The following SEMA6D variants were observed in gnomAD, a reference collection of about 807,000 sequenced individuals.
SEMA6D encodes semaphorin-6D.
SEMA6D carries 35 observed loss-of-function variants against 106.6 expected under a neutral mutation model. The observed-to-expected ratio is 0.33, with a 90% CI of 0.25 to 0.44. The LOEUF is 0.44. SEMA6D is among the 20% of genes least tolerant of loss of function. The pLI, the probability that SEMA6D is intolerant of heterozygous loss-of-function variation, is 1.00. For missense variants in SEMA6D, 1,185 were observed against 1,345.9 expected (o/e 0.88, Z 1.87); for synonymous variants, 499 against 487.7 (o/e 1.02, Z -0.31).
chr15:47,743,256 A>G (rs1459656654), intron 1 of SEMA6D, among the ~76,000 whole-genome samples: 2 of 152,228 alleles, frequency 1.3e-5, no homozygotes, highest in African/African-American at 4.8e-5. Flanking sequence ...TTAATGCTTA[A>G]TTTAATAATT....
Position 47,693,000 on chromosome 15 carries a change from G to A in SEMA6D, c.-54-66745G>A, listed in dbSNP as rs141023892. Among the ~76,000 whole-genome samples, 531 of 152,200 alleles carry A rather than the reference G, an allele frequency of 3.5e-3. 3 individuals carry two copies. The highest frequency in any genetic ancestry group is 0.012 in the African/African-American group (508 of 41,528). Reference sequence around the variant, plus strand: ...TATTTTCAGCTTTAGAGCAGAATTAGTGTTATGAATTGAATTGTACCCCTA... The same window carrying A: ...TATTTTCAGCTTTAGAGCAGAATTAATGTTATGAATTGAATTGTACCCCTA... On this transcript the variant is annotated intron_variant, in intron 4 of 19. Transcript: ENST00000558014.
At chr15:47,394,942 G>A (rs2145879223) in intron 1 of SEMA6D, among the ~76,000 whole-genome samples, 1 of 151,616 alleles carries the variant, frequency 6.6e-6, no homozygotes, top group East Asian at 1.9e-4. Flanking sequence ...TCACTTCCCT[G>A]TTGTCATTTT....
intron 1 of SEMA6D, among the ~76,000 whole-genome samples, chr15:47,203,501 C>T (rs144383881): frequency 9.2e-5 from 14 of 152,202 alleles, no homozygotes; most frequent in African/African-American, 3.1e-4. Context: ...ACAAGACAAC[C>T]TTTAACCTTT....
At chr15:47,548,730 T>G (rs997415731) in intron 3 of SEMA6D, among the ~76,000 whole-genome samples, 3 of 152,162 alleles carry the variant, frequency 2.0e-5, no homozygotes, top group Non-Finnish European at 4.4e-5. Context: ...TACACATATA[T>G]ACACACATAC....
chr15:47,758,486 C>A (rs1188745899), intron 1 of SEMA6D, among the ~76,000 whole-genome samples: 1 of 152,098 alleles, frequency 6.6e-6, no homozygotes, highest in African/African-American at 2.4e-5. Flanking sequence ...CTTACAGCTT[C>A]ACAAAAATAT....
At chr15:47,441,689 C>T (rs1022778450) in intron 2 of SEMA6D, among the ~76,000 whole-genome samples, 1 of 151,992 alleles carries the variant, frequency 6.6e-6, no homozygotes. Context: ...ATAATCAATA[C>T]ATTTTATTTT....
chr15:47,599,483 G>A (rs1156969625), intron 3 of SEMA6D, among the ~76,000 whole-genome samples: 1 of 151,628 alleles, frequency 6.6e-6, no homozygotes, highest in East Asian at 1.9e-4. Flanking sequence ...ATGGAGTTTG[G>A]AGAAACTAAG....
intron 2 of SEMA6D, among the ~76,000 whole-genome samples, chr15:47,459,727 T>A (rs532847657): frequency 1.3e-5 from 2 of 152,208 alleles, no homozygotes; most frequent in East Asian, 3.9e-4. Flanking sequence ...CCCCTGCAGC[T>A]TTGCACTTAA....
rs148270677 is a variant in SEMA6D, at chr15:47,533,104, G to A, written c.-87+62559G>A. On this transcript the variant is annotated intron_variant, in intron 3 of 19. Coordinates refer to the SEMA6D transcript ENST00000558014. Reference sequence around the variant, plus strand: ...GCCACCACTGATAATCCGTAGGCTGGCTGTAATAAAATAGAGAAGTCTTTG... The same window carrying A: ...GCCACCACTGATAATCCGTAGGCTGACTGTAATAAAATAGAGAAGTCTTTG... Among the ~76,000 whole-genome samples, 347 of 152,280 alleles carry A rather than the reference G, an allele frequency of 2.3e-3. 1 individual carries two copies. Among genetic ancestry groups the A allele is most frequent in the African/African-American group, 8.2e-3 (341 of 41,576 alleles).
chr15:47,668,904 G>A (rs1012766090), intron 4 of SEMA6D, among the ~76,000 whole-genome samples: 1 of 152,160 alleles, frequency 6.6e-6, no homozygotes, highest in East Asian at 1.9e-4. Context: ...AATTACCGCA[G>A]TGCAATTCTG....
chr15:47,473,470 G>A (rs1247559050), intron 3 of SEMA6D, among the ~76,000 whole-genome samples: 1 of 152,104 alleles, frequency 6.6e-6, no homozygotes, highest in Non-Finnish European at 1.5e-5. Flanking sequence ...TTATGCTGAA[G>A]TCCCCTGACT....
chr15:47,674,030 C>G (rs1187065251), intron 4 of SEMA6D, among the ~76,000 whole-genome samples: 2 of 152,106 alleles, frequency 1.3e-5, no homozygotes, highest in Non-Finnish European at 2.9e-5. Flanking sequence ...ATGTTGTCCC[C>G]GGACACTCTC....
intron 3 of SEMA6D, among the ~76,000 whole-genome samples, chr15:47,479,996 G>T (rs1596107788): frequency 6.6e-6 from 1 of 150,408 alleles, no homozygotes; most frequent in South Asian, 2.1e-4. Flanking sequence ...CTTCTGAGTA[G>T]CTGGAACCAC....
intron 1 of SEMA6D, among the ~76,000 whole-genome samples, chr15:47,281,992 C>T (rs1020609288): frequency 6.6e-6 from 1 of 152,088 alleles, no homozygotes; most frequent in African/African-American, 2.4e-5. Context: ...TTACACTATA[C>T]CCTATCCTTC....
intron 1 of SEMA6D, among the ~76,000 whole-genome samples, chr15:47,310,861 G>A (rs12916429): frequency 4.6e-5 from 7 of 151,928 alleles, no homozygotes; most frequent in Admixed American, 1.3e-4. Flanking sequence ...TAGTTCCTTC[G>A]TTGTGCCGTT....
intron 1 of SEMA6D, among the ~76,000 whole-genome samples, chr15:47,349,675 G>C (rs1468012856): frequency 6.6e-6 from 1 of 152,134 alleles, no homozygotes; most frequent in Admixed American, 6.6e-5. Flanking sequence ...GGAAAAGAAA[G>C]TGGAATTGAG....
At chr15:47,569,087 T>G (rs780563639) in intron 3 of SEMA6D, among the ~76,000 whole-genome samples, 3 of 152,178 alleles carry the variant, frequency 2.0e-5, no homozygotes, top group Non-Finnish European at 4.4e-5. Context: ...TGAAAAGCTT[T>G]AATTTTGATC....
At chr15:47,700,847 T>C (rs2145907226) in intron 4 of SEMA6D, among the ~76,000 whole-genome samples, 2 of 152,212 alleles carry the variant, frequency 1.3e-5, no homozygotes, top group Admixed American at 1.3e-4. Context: ...AAGAAGCAAA[T>C]GTAATACAAT....
chr15:47,390,432 C>T (rs1396657484), intron 1 of SEMA6D, among the ~76,000 whole-genome samples: 1 of 152,178 alleles, frequency 6.6e-6, no homozygotes, highest in Non-Finnish European at 1.5e-5. Flanking sequence ...CCAGGTCCAA[C>T]ATCAGTGAAG....
Sources: allele counts gnomAD v4.1 joint callset (sites outside exome capture counted in the v4.1 genomes callset), GRCh38; gene constraint gnomAD v4.1.1; transcripts MANE v1.5; gene names NCBI Gene and HGNC (gene_info 2026-07-23, HGNC 2026-07-21).